Variants in DLG2 observed in about 807,000 individuals in gnomAD.
The protein encoded by DLG2 is disks large homolog 2.
Under a neutral mutation model 132.5 loss-of-function variants are expected in DLG2, and 45 were observed. The observed-to-expected ratio is 0.34, with a 90% CI of 0.27 to 0.44. The LOEUF (loss-of-function observed/expected upper bound fraction) is 0.44. DLG2 is among the 20% of genes least tolerant of loss of function. DLG2 has a pLI of 1.00. For synonymous variants in DLG2, 424 were observed against 419.6 expected (o/e 1.01, Z -0.13); for missense variants, 1,045 against 1,196.9 (o/e 0.87, Z 1.87).
chr11:83,730,071 A>G (rs1222836846), intron 18 of DLG2, among the ~76,000 whole-genome samples: 1 of 151,960 alleles, frequency 6.6e-6, no homozygotes, highest in African/African-American at 2.4e-5. Context: ...AAGATATTAG[A>G]ACAAAATAGA....
At chr11:83,688,716 T>C (rs1388725236) in intron 18 of DLG2, among the ~76,000 whole-genome samples, 1 of 152,188 alleles carries the variant, frequency 6.6e-6, no homozygotes, top group Non-Finnish European at 1.5e-5. Flanking sequence ...AGTGGTATGA[T>C]TGTGTGTACC....
chr11:85,257,946 A>G (rs1486076783), intron 4 of DLG2, among the ~76,000 whole-genome samples: 1 of 152,206 alleles, frequency 6.6e-6, no homozygotes, highest in East Asian at 1.9e-4. Flanking sequence ...GTCAGTATCC[A>G]AATGAGTTTC....
chr11:84,833,726 G>A (rs942749878), intron 6 of DLG2, among the ~76,000 whole-genome samples: 1 of 151,514 alleles, frequency 6.6e-6, no homozygotes, highest in Non-Finnish European at 1.5e-5. Flanking sequence ...TGGAAAGTTG[G>A]TTTAAATCCA....
chr11:84,337,376 T>C (rs2154404056), intron 7 of DLG2, among the ~76,000 whole-genome samples: 1 of 152,344 alleles, frequency 6.6e-6, no homozygotes, highest in East Asian at 1.9e-4. Context: ...AATTATCATA[T>C]TCATTGTAGA....
At chr11:83,616,785 T>A (rs1347567577) in intron 19 of DLG2, among the ~76,000 whole-genome samples, 1 of 152,208 alleles carries the variant, frequency 6.6e-6, no homozygotes, top group East Asian at 1.9e-4. Context: ...TTACATTTTA[T>A]ATTTTTATCT....
intron 7 of DLG2, among the ~76,000 whole-genome samples, chr11:84,269,863 C>G (rs372785487): frequency 6.6e-6 from 1 of 152,128 alleles, no homozygotes; most frequent in Non-Finnish European, 1.5e-5. Context: ...TTGTACATTG[C>G]AGCAAGAGAT....
At chr11:83,660,654 G>T (rs1409697609) in intron 18 of DLG2, among the ~76,000 whole-genome samples, 1 of 152,070 alleles carries the variant, frequency 6.6e-6, no homozygotes, top group Non-Finnish European at 1.5e-5. Flanking sequence ...CTGCCCATGT[G>T]ACTATAGATA....
intron 19 of DLG2, among the ~76,000 whole-genome samples, chr11:83,590,776 C>T (rs2097174585): frequency 6.6e-6 from 1 of 152,036 alleles, no homozygotes; most frequent in Non-Finnish European, 1.5e-5. Context: ...AGACAAGAAT[C>T]AAATAGACAC....
intron 8 of DLG2, among the ~76,000 whole-genome samples, chr11:84,215,494 G>T (rs1445930357): frequency 1.3e-5 from 2 of 151,852 alleles, no homozygotes; most frequent in African/African-American, 2.4e-5. Flanking sequence ...TGTTAACAAA[G>T]AGCTGGAGGT....
chr11:84,127,633 C>T (rs573306075), intron 9 of DLG2, among the ~76,000 whole-genome samples: 1 of 152,264 alleles, frequency 6.6e-6, no homozygotes, highest in South Asian at 2.1e-4. Context: ...CAAGGTCTCA[C>T]TATGCGGCCC....
intron 7 of DLG2, among the ~76,000 whole-genome samples, chr11:84,522,147 G>A (rs1049043340): frequency 1.3e-5 from 2 of 150,366 alleles, no homozygotes; most frequent in African/African-American, 2.5e-5. Context: ...CAGCCTGGGC[G>A]ACAGAGCGAG....
intron 2 of DLG2, among the ~76,000 whole-genome samples, chr11:85,618,161 C>T (rs1320294092): frequency 6.6e-6 from 1 of 152,094 alleles, no homozygotes; most frequent in Non-Finnish European, 1.5e-5. Context: ...AACTCATGAT[C>T]CTTTGCTGAC....
intron 4 of DLG2, among the ~76,000 whole-genome samples, chr11:85,258,871 T>A (rs2076797134): frequency 6.6e-6 from 1 of 152,194 alleles, no homozygotes; most frequent in South Asian, 2.1e-4. Flanking sequence ...TGAGTACCTG[T>A]TTTGTTCAGG....
At position 84,960,670 on chromosome 11, in the gene DLG2, C is replaced by G. The variant is rs180773448; in HGVS notation, c.357+150991G>C. Among the ~76,000 whole-genome samples, 118 of 152,184 alleles carry G rather than the reference C, an allele frequency of 7.8e-4. 1 individual carries two copies. The highest frequency in any genetic ancestry group is 2.7e-3 in the African/African-American group (114 of 41,502). Reference sequence around the variant, plus strand: ...CCCAGGTTGGTCTCAAACTCCTGAGCTCAGGCAATCCACCCGCCTTGGCTT... The same window carrying G: ...CCCAGGTTGGTCTCAAACTCCTGAGGTCAGGCAATCCACCCGCCTTGGCTT... On this transcript the variant is annotated intron_variant, in intron 6 of 27. Coordinates refer to ENST00000376104, the MANE Select transcript of DLG2 (RefSeq NM_001142699.3).
chr11:83,497,581 T>G (rs982618548), intron 21 of DLG2, among the ~76,000 whole-genome samples: 2 of 152,066 alleles, frequency 1.3e-5, no homozygotes, highest in Admixed American at 6.6e-5. Flanking sequence ...CCCACATAGT[T>G]TCTTTTTATT....
At chr11:84,096,310 C>T (rs934342233) in intron 10 of DLG2, among the ~76,000 whole-genome samples, 2 of 151,954 alleles carry the variant, frequency 1.3e-5, no homozygotes, top group Non-Finnish European at 2.9e-5. Context: ...AGCACAATGT[C>T]CTGCACATGA....
chr11:84,093,687 T>C (rs1447089461), intron 10 of DLG2, among the ~76,000 whole-genome samples: 1 of 152,140 alleles, frequency 6.6e-6, no homozygotes. Context: ...CGATCTCAGC[T>C]TACTGCAACC....
intron 19 of DLG2, among the ~76,000 whole-genome samples, chr11:83,606,310 C>T (rs1354635370): frequency 6.6e-6 from 1 of 151,978 alleles, no homozygotes; most frequent in Non-Finnish European, 1.5e-5. Flanking sequence ...TTTTAAAACA[C>T]AACATAATGA....
intron 6 of DLG2, among the ~76,000 whole-genome samples, chr11:84,884,578 G>T (rs1416727708): frequency 1.3e-5 from 2 of 152,092 alleles, no homozygotes; most frequent in Admixed American, 6.6e-5. Context: ...GGACAACTTT[G>T]ACTATACAAC....
Sources: gnomAD v4.1 joint callset for allele counts (sites outside exome capture counted in the v4.1 genomes callset) on GRCh38, gnomAD v4.1.1 for gene constraint, MANE v1.5 for transcripts, NCBI Gene and HGNC (gene_info 2026-07-23, HGNC 2026-07-21) for gene names.